Variants in FRAS1 observed in about 807,000 individuals in gnomAD.
The protein encoded by FRAS1 is Fraser extracellular matrix complex subunit 1.
Under a neutral mutation model 435.2 loss-of-function variants are expected in FRAS1, and 290 were observed. The observed-to-expected ratio is 0.67, with a 90% CI of 0.61 to 0.73. The LOEUF (loss-of-function observed/expected upper bound fraction) is 0.73. Ranked by LOEUF, FRAS1 falls within the 30% of genes least tolerant of loss-of-function variation. FRAS1 has a pLI of 0.00. For missense variants in FRAS1, 4,860 were observed against 5,001.5 expected, an observed-to-expected ratio of 0.97 and a Z score of 0.85; for synonymous variants, 1,800 against 1,851.0, an observed-to-expected ratio of 0.97 and a Z score of 0.71.
intron 2 of FRAS1, among the ~76,000 whole-genome samples, chr4:78,171,759 T>C (rs1721571237): frequency 1.3e-5 from 2 of 152,188 alleles, no homozygotes; most frequent in South Asian, 4.1e-4. Flanking sequence ...CTCCAGCACA[T>C]CGCTGTAGCC....
At chr4:78,492,447 A>C (rs1284582135) in intron 59 of FRAS1, among the ~76,000 whole-genome samples, 1 of 152,210 alleles carries the variant, frequency 6.6e-6, no homozygotes, top group African/African-American at 2.4e-5. Context: ...CAAAAGAGAT[A>C]TATAGACCAA....
chr4:78,435,225 G>A (rs1381695471), intron 38 of FRAS1, among the ~76,000 whole-genome samples: 1 of 152,060 alleles, frequency 6.6e-6, no homozygotes, highest in African/African-American at 2.4e-5. Flanking sequence ...ACTACACTCT[G>A]CACTTGCTCC....
intron 56 of FRAS1, among the ~76,000 whole-genome samples, chr4:78,480,652 A>T (rs1719984693): frequency 6.6e-6 from 1 of 152,232 alleles, no homozygotes; most frequent in Admixed American, 6.5e-5. Context: ...GCCCAAAGCG[A>T]TCAGTGGGCA....
At chr4:78,140,480 C>T (rs1244911322) in intron 2 of FRAS1, among the ~76,000 whole-genome samples, 1 of 151,966 alleles carries the variant, frequency 6.6e-6, no homozygotes, top group Non-Finnish European at 1.5e-5. Context: ...ATTATTTCAC[C>T]TCTGAACCAC....
intron 18 of FRAS1, among the ~76,000 whole-genome samples, chr4:78,332,047 G>T (rs937572829): frequency 1.3e-5 from 2 of 152,188 alleles, no homozygotes; most frequent in Admixed American, 6.5e-5. Flanking sequence ...AGGAATGGGT[G>T]AAGTAGGGTA....
At chr4:78,116,915 C>A (rs1743229472) in intron 2 of FRAS1, among the ~76,000 whole-genome samples, 2 of 152,210 alleles carry the variant, frequency 1.3e-5, no homozygotes. Context: ...GATGCAGTTT[C>A]TTCCTAGCCT....
intron 20 of FRAS1, among the ~76,000 whole-genome samples, chr4:78,363,168 G>A (rs565135166): frequency 3.3e-5 from 5 of 152,254 alleles, no homozygotes; most frequent in African/African-American, 1.2e-4. Flanking sequence ...GACCCCCAGG[G>A]GAGATGTTGA....
intron 2 of FRAS1, among the ~76,000 whole-genome samples, chr4:78,115,861 C>G (rs1262984555): frequency 6.6e-6 from 1 of 150,940 alleles, no homozygotes; most frequent in Non-Finnish European, 1.5e-5. Context: ...TTATTTTTTG[C>G]CTTCTGCTAG....
At chr4:78,539,233 A>G (rs943793174) in intron 72 of FRAS1, 61 bp from the exon 73 acceptor site, 1 of 1,541,664 alleles carries the variant, frequency 6.5e-7, no homozygotes, top group Non-Finnish European at 8.8e-7. Context: ...AGTCACTGCC[A>G]CCTACCAATA....
intron 2 of FRAS1, 141 bp downstream of exon 2, chr4:78,066,157 C>A: frequency 1.5e-6 from 1 of 680,586 alleles, no homozygotes; most frequent in Non-Finnish European, 2.6e-6. Context: ...CTCATTCGGG[C>A]ACAATGATGC....
chr4:78,135,240 C>T (rs2109989205), intron 2 of FRAS1, among the ~76,000 whole-genome samples: 1 of 152,226 alleles, frequency 6.6e-6, no homozygotes, highest in South Asian at 2.1e-4. Context: ...TTCCTCTTTC[C>T]TTCTTGCATC....
At position 78,438,672 on chromosome 4, in the gene FRAS1, G is replaced by C. The variant is rs1028827188; in HGVS notation, c.5320G>C (p.Glu1774Gln). ...ISGSEVEELSEVSNFTMEDIN... is the reference protein window; with the variant it reads ...ISGSEVEELSQVSNFTMEDIN... ...AGGATCTGAGGTGGAAGAGCTCTCA[G>C]AAGTTTCCAATTTCACAATGGAAGA... Residue 1774 changes from glutamate to glutamine, a missense_variant, in exon 39 of 74, where the codon GAA becomes CAA. By Grantham distance (29) the Glu-to-Gln change is conservative. Coordinates refer to ENST00000512123, the MANE Select transcript of FRAS1 (RefSeq NM_025074.7). The C allele has an allele frequency of 6.2e-7, 1 of 1,612,196 alleles. No individual in the cohort carries two copies. Among genetic ancestry groups the C allele is most frequent in the Admixed American group, 1.7e-5 (1 of 59,752 alleles).
At chr4:78,330,773 T>G (rs1729916166) in intron 18 of FRAS1, among the ~76,000 whole-genome samples, 1 of 152,214 alleles carries the variant, frequency 6.6e-6, no homozygotes, top group East Asian at 1.9e-4. Context: ...TCAATGACAA[T>G]GGTGCCAGAA....
chr4:78,137,197 G>A (rs767505540), intron 2 of FRAS1, among the ~76,000 whole-genome samples: 5 of 152,128 alleles, frequency 3.3e-5, no homozygotes, highest in Non-Finnish European at 7.4e-5. Flanking sequence ...TTTTCCTTCA[G>A]GTAAGGAAAA....
At chr4:78,494,173 CT>C (rs1250147129) in intron 59 of FRAS1, among the ~76,000 whole-genome samples, 5 of 152,030 alleles carry the variant, frequency 3.3e-5, no homozygotes, top group African/African-American at 7.3e-5. Context: ...CTATTGTCCT[CT>C]TTTTTTCATC....
chr4:78,135,082 G>T (rs528735947), intron 2 of FRAS1, among the ~76,000 whole-genome samples: 1 of 152,116 alleles, frequency 6.6e-6, no homozygotes, highest in Admixed American at 6.5e-5. Context: ...GTGTATTTGA[G>T]ATATACAGTA....
chr4:78,236,426 A>C (rs1199987126), intron 2 of FRAS1, among the ~76,000 whole-genome samples: 1 of 152,112 alleles, frequency 6.6e-6, no homozygotes, highest in African/African-American at 2.4e-5. Flanking sequence ...TGCACCCATC[A>C]CCTGAGCAGT....
At chr4:78,091,319 C>G (rs922499685) in intron 2 of FRAS1, among the ~76,000 whole-genome samples, 5 of 152,038 alleles carry the variant, frequency 3.3e-5, no homozygotes, top group Non-Finnish European at 7.4e-5. Context: ...GCAGTGGCCT[C>G]CAACGTGTCC....
chr4:78,316,097 AC>A (rs1729234268), intron 16 of FRAS1, among the ~76,000 whole-genome samples: 1 of 152,258 alleles, frequency 6.6e-6, no homozygotes. Context: ...ATTGGCAACT[AC>A]AACACACCAC....
Sources: gnomAD v4.1 joint callset for allele counts (sites outside exome capture counted in the v4.1 genomes callset) on GRCh38, gnomAD v4.1.1 for gene constraint, MANE v1.5 for transcripts, NCBI Gene and HGNC (gene_info 2026-07-23, HGNC 2026-07-21) for gene names.